The following EIF4G3 variants were observed in gnomAD, a reference collection of about 807,000 sequenced individuals.
EIF4G3 encodes the protein eukaryotic translation initiation factor 4 gamma 3, also known as eIF-4-gamma 3.
In EIF4G3, 34 loss-of-function variants were observed where a neutral mutation model predicts 186.4. That is an observed-to-expected ratio of 0.18 (90% CI 0.14 to 0.24). The LOEUF is 0.24. EIF4G3 is among the 10% of genes least tolerant of loss of function. The pLI is 1.00. For synonymous variants in EIF4G3, 673 were observed against 679.5 expected (o/e 0.99, Z 0.15); for missense variants, 1,536 against 1,948.5 (o/e 0.79, Z 3.99).
At chr1:20,808,456 C>T (rs1313802661) in intron 36 of EIF4G3, among the ~76,000 whole-genome samples, 3 of 151,598 alleles carry the variant, frequency 2.0e-5, no homozygotes, top group Admixed American at 6.6e-5. Flanking sequence ...CCGAGACAGG[C>T]GGATCACGAG....
intron 14 of EIF4G3, among the ~76,000 whole-genome samples, chr1:20,922,117 T>C (rs1004944072): frequency 1.3e-5 from 2 of 152,226 alleles, no homozygotes; most frequent in East Asian, 1.9e-4. Context: ...AGTCCTGCTT[T>C]TCCTATTTCC....
chr1:20,884,772 T>C (rs984913262), intron 19 of EIF4G3, among the ~76,000 whole-genome samples: 3 of 152,148 alleles, frequency 2.0e-5, no homozygotes, highest in African/African-American at 7.2e-5. Flanking sequence ...CTCATCTTCA[T>C]CTTTGTTTTG....
At chr1:20,937,185 A>C (rs1183577688) in intron 14 of EIF4G3, among the ~76,000 whole-genome samples, 2 of 152,232 alleles carry the variant, frequency 1.3e-5, no homozygotes, top group Admixed American at 6.5e-5. Context: ...TAGCTTAAAA[A>C]AGAGAGAGAG....
chr1:21,046,260 A>G lies in EIF4G3; in HGVS notation c.-67+4606T>C, dbSNP rs536991515. ...TCTCACCAATTTACCATTGTCTGAA[A>G]TGTCATAGTCTAAAGTCTTTGACTA... On this transcript the variant is annotated intron_variant, in intron 4 of 36. Transcript: ENST00000602326. 3.9e-5 allele frequency among the ~76,000 whole-genome samples: 6 copies of G among 152,370 alleles called. No homozygotes were observed. The South Asian group carries it at 1.2e-3, about 32-fold the overall frequency.
chr1:20,934,301 T>C (rs181144974), intron 14 of EIF4G3, among the ~76,000 whole-genome samples: 1 of 152,308 alleles, frequency 6.6e-6, no homozygotes, highest in Admixed American at 6.5e-5. Flanking sequence ...TGGTAGACTA[T>C]TCTTAAACAG....
At chr1:20,973,962 CT>C (rs1217448789) in intron 10 of EIF4G3, among the ~76,000 whole-genome samples, 3 of 152,166 alleles carry the variant, frequency 2.0e-5, no homozygotes, top group Middle Eastern at 3.4e-3. Context: ...TATAGATTTG[CT>C]GATGAATTGG....
intron 4 of EIF4G3, among the ~76,000 whole-genome samples, chr1:21,038,257 T>C (rs2093353758): frequency 6.6e-6 from 1 of 152,198 alleles, no homozygotes; most frequent in Non-Finnish European, 1.5e-5. Flanking sequence ...AACTCAGTTT[T>C]CTCTCCAATC....
chr1:20,879,465 T>C lies in EIF4G3; in HGVS notation c.2480A>G (p.Asn827Ser). 7 of 1,561,800 alleles carry C rather than the reference T, an allele frequency of 4.5e-6. No homozygotes were observed. Among genetic ancestry groups the C allele is most frequent in the Non-Finnish European group, 6.1e-6 (7 of 1,153,922 alleles). Residue 827 changes from asparagine (N) to serine (S), a missense_variant, in exon 20 of 37, where the codon AAT becomes AGT. By Grantham distance (46) the Asn-to-Ser change is conservative. Around this residue, in one of 11 missense-constraint regions of EIF4G3, gnomAD observed 139 missense variants for 192.8 expected, o/e 0.72. Coordinates refer to ENST00000602326, the MANE Select transcript of EIF4G3 (RefSeq NM_001391906.1). Reference sequence around the variant, plus strand: ...TCCTGACACTTGCTTCATCAGTTGATTGAACATCTGTGGTGTCAATTTATT... The same window carrying C: ...TCCTGACACTTGCTTCATCAGTTGACTGAACATCTGTGGTGTCAATTTATT... Reference protein sequence around the residue: ...ILNKLTPQMFNQLMKQVSGLT... With the variant: ...ILNKLTPQMFSQLMKQVSGLT...
rs151206254 is a variant in EIF4G3, at chr1:21,069,176, T to C, written c.-195-18182A>G. Among the ~76,000 whole-genome samples, 516 of 152,282 alleles carry C rather than the reference T, an allele frequency of 3.4e-3. 4 individuals are homozygous for C. The highest frequency in any genetic ancestry group is 0.012 in the African/African-American group (492 of 41,544). ...ATGTATGTACACTCATTCCAATATCTTGTAAGATGCAGTCCAAACTTGCTG... is the reference window on the plus strand; with the variant it reads ...ATGTATGTACACTCATTCCAATATCCTGTAAGATGCAGTCCAAACTTGCTG... On this transcript the variant is annotated intron_variant, in intron 3 of 36. Transcript: ENST00000602326.
intron 29 of EIF4G3, chr1:20,848,059 GGGC>G: frequency 4.3e-5 from 14 of 323,650 alleles, no homozygotes; most frequent in Non-Finnish European, 7.8e-5. Context: ...TCTGCCTCCC[GGGC>G]TTCAAGTGAT....
At chr1:20,923,333 A>G (rs866836333) in intron 14 of EIF4G3, among the ~76,000 whole-genome samples, 44 of 152,226 alleles carry the variant, frequency 2.9e-4, no homozygotes, top group African/African-American at 1.0e-3. Flanking sequence ...GTCGACACTG[A>G]GAACAAAGAT....
intron 33 of EIF4G3, among the ~76,000 whole-genome samples, chr1:20,820,352 G>A (rs1424259003): frequency 6.6e-6 from 1 of 152,246 alleles, no homozygotes; most frequent in Admixed American, 6.5e-5. Flanking sequence ...TCCTAGGCAT[G>A]CAGCACCTGG....
intron 14 of EIF4G3, among the ~76,000 whole-genome samples, chr1:20,935,039 G>A (rs768668676): frequency 2.0e-5 from 3 of 152,174 alleles, no homozygotes; most frequent in Non-Finnish European, 4.4e-5. Flanking sequence ...ACACGCAGTA[G>A]GCCTTCAGTA....
intron 30 of EIF4G3, among the ~76,000 whole-genome samples, chr1:20,834,813 A>G (rs976249337): frequency 2.0e-5 from 3 of 152,244 alleles, no homozygotes; most frequent in African/African-American, 7.2e-5. Flanking sequence ...TTCTTTAGAC[A>G]ATGAACAACT....
Position 21,030,338 on chromosome 1 carries a change from T to C in EIF4G3, c.-67+20528A>G, listed in dbSNP as rs189842708. On this transcript the variant is annotated intron_variant, in intron 4 of 36. Coordinates refer to ENST00000602326, the MANE Select transcript of EIF4G3 (RefSeq NM_001391906.1). ...TGAATTATGGAGGCAGGTCTTTTCC[T>C]GTGCTGTTCTCTTGATAGTGAATGG... Among the ~76,000 whole-genome samples, 4 of 152,338 alleles carry C rather than the reference T, an allele frequency of 2.6e-5. No individual in the cohort carries two copies. In the East Asian group the frequency reaches 5.8e-4, roughly 22 times the overall value.
intron 32 of EIF4G3, among the ~76,000 whole-genome samples, chr1:20,825,578 T>C (rs895564677): frequency 5.3e-5 from 8 of 152,192 alleles, no homozygotes; most frequent in African/African-American, 1.9e-4. Flanking sequence ...GATTAAATAA[T>C]TGATTTATGA....
chr1:21,083,151 G>A (rs1268086740), intron 3 of EIF4G3, among the ~76,000 whole-genome samples: 5 of 151,484 alleles, frequency 3.3e-5, no homozygotes, highest in Non-Finnish European at 5.9e-5. Flanking sequence ...TGATGTAGGA[G>A]GTTCACTTGA....
intron 7 of EIF4G3, among the ~76,000 whole-genome samples, chr1:20,989,669 CA>C (rs35027544): frequency 6.9e-6 from 1 of 145,478 alleles, no homozygotes; most frequent in Non-Finnish European, 1.5e-5. Context: ...TATGGAGGAG[CA>C]AAAAAAAAGT....
At chr1:20,870,381 T>C (rs1476123797) in intron 20 of EIF4G3, among the ~76,000 whole-genome samples, 1 of 152,166 alleles carries the variant, frequency 6.6e-6, no homozygotes, top group Non-Finnish European at 1.5e-5. Context: ...AGCTGAGGTA[T>C]GTATGTCTCC....
Sources: gnomAD v4.1 joint callset for allele counts (sites outside exome capture counted in the v4.1 genomes callset) on GRCh38, gnomAD v4.1.1 for gene constraint, gnomAD v4.1.1 regional missense constraint, MANE v1.5 for transcripts, NCBI Gene and HGNC (gene_info 2026-07-23, HGNC 2026-07-21) for gene names.